TSPYL2: variants seen among roughly 807,000 people sequenced by gnomAD.
TSPYL2 encodes the protein TSPY like 2, also known as testis-specific Y-encoded-like protein 2.
In TSPYL2, 9 loss-of-function variants were observed where a neutral mutation model predicts 33.0. The ratio of observed to expected loss-of-function variants is 0.27; its 90% CI spans 0.16 to 0.48. The LOEUF is 0.48. TSPYL2 is among the 20% of genes least tolerant of loss of function. The pLI, the probability that TSPYL2 is intolerant of heterozygous loss-of-function variation, is 0.99. For synonymous variants in TSPYL2, 330 were observed against 233.6 expected, an observed-to-expected ratio of 1.41 and a Z score of -3.77; for missense variants, 636 against 586.2, an observed-to-expected ratio of 1.08 and a Z score of -0.88.
In TSPYL2 at chrX:53,087,877, G is replaced by C; in HGVS notation, c.2020G>C (p.Glu674Gln). ...EGEDSDDSDL[E>Q]DVLQVPNGWA... ...GGAAGATTCGGACGACTCTGACCTA[G>C]AGGATGTGCTTCAGGTCCCAAACGG... Residue 674 changes from glutamate (E) to glutamine (Q), a missense_variant, in exon 7 of 7, where the codon GAG (glutamate) becomes CAG (glutamine). By Grantham distance (29) the Glu-to-Gln change is conservative. Transcript: ENST00000375442. 1 of 1,211,737 alleles carries C rather than the reference G, an allele frequency of 8.3e-7. No individual in the cohort carries two copies. The highest frequency in any genetic ancestry group is 1.8e-5 in the South Asian group (1 of 57,022).
At chrX:53,087,022 A>G (rs1932777979) in intron 6 of TSPYL2, 1 of 114,901 alleles carries the variant, frequency 8.7e-6, no homozygotes, top group African/African-American at 3.3e-5. Flanking sequence ...TGCATATAGT[A>G]ATACCCTCTT....
At chrX:53,085,508 C>A in intron 5 of TSPYL2, 123 bp from the exon 6 acceptor site, 2 of 815,034 alleles carry the variant, frequency 2.5e-6, no homozygotes, top group South Asian at 2.6e-5. Context: ...GGACTTTACC[C>A]ACCCTAGCCC....
Position 53,084,744 on chromosome X carries a change from A to G in TSPYL2, c.886-11A>G. 8.3e-7 allele frequency: 1 copy of G among 1,203,143 alleles called. No individual in the cohort carries two copies. Among genetic ancestry groups the G allele is most frequent in the Non-Finnish European group, 1.1e-6 (1 of 888,659 alleles). ...GGGGACAGATTCCACCATCACCCCC[A>G]CCTGGAGCAGGTACAGGATCTCAGA... On this transcript the variant is annotated splice_polypyrimidine_tract_variant and intron_variant, in intron 2 of 6. Coordinates refer to ENST00000375442, the MANE Select transcript of TSPYL2 (RefSeq NM_022117.4).
chrX:53,083,371 G>A (rs1932675359), intron 1 of TSPYL2, 66 bp downstream of exon 1: 4 of 1,000,491 alleles, frequency 4.0e-6, no homozygotes, highest in African/African-American at 1.9e-5. Context: ...GTGGGGGAGG[G>A]ACAGAAAAGG....
In TSPYL2 at chrX:53,088,159, C is replaced by T. The variant is rs190372740; in HGVS notation, c.*220C>T. On this transcript the variant is annotated 3_prime_UTR_variant, in exon 7 of 7. Coordinates refer to ENST00000375442, the MANE Select transcript of TSPYL2 (RefSeq NM_022117.4). ...TCCCCTTCTTTTGGCCCTCCGCCCC[C>T]GCAGGCTTCTGTGTGCTGCTAACTG... 3 of 413,631 alleles carry T rather than the reference C, an allele frequency of 7.3e-6. No individual in the cohort carries two copies. The highest frequency in any genetic ancestry group is 8.3e-5 in the Admixed American group (2 of 24,218). The allele number at this position is 413,631 out of a possible 1,213,427, so 34.1% of individuals were successfully genotyped here.
chrX:53,088,182 C>G lies in TSPYL2; in HGVS notation c.*243C>G, dbSNP rs1182817334. ...CCCGCAGGCTTCTGTGTGCTGCTAA[C>G]TGTATTTATTGTGATGCCTTGGTCA... On this transcript the variant is annotated 3_prime_UTR_variant, in exon 7 of 7. Coordinates refer to ENST00000375442, the MANE Select transcript of TSPYL2 (RefSeq NM_022117.4). 5.1e-6 allele frequency: 2 copies of G among 391,892 alleles called. No homozygotes were observed. The highest frequency in any genetic ancestry group is 8.9e-6 in the Non-Finnish European group (2 of 224,583). 32.3% of individuals were successfully genotyped at this position (391,892 alleles called of 1,213,427 possible).
At chrX:53,087,420 C>A in intron 6 of TSPYL2, 1 of 154,714 alleles carries the variant, frequency 6.5e-6, no homozygotes, top group Non-Finnish European at 1.3e-5. Flanking sequence ...GGGGAGAAAG[C>A]GAGGAAGCTG....
At chrX:53,084,697 A>C in intron 2 of TSPYL2, 58 bp from the exon 3 acceptor site, 1 of 1,184,473 alleles carries the variant, frequency 8.4e-7, no homozygotes, top group East Asian at 3.0e-5. Context: ...GGTGGGTGGG[A>C]AGGGCCGTGG....
At position 53,082,536 on chromosome X, in the gene TSPYL2, G is replaced by C; in HGVS notation, c.38G>C (p.Arg13Pro). The C allele has an allele frequency of 8.6e-7, 1 of 1,157,156 alleles. No individual in the cohort carries two copies. Among genetic ancestry groups the C allele is most frequent in the East Asian group, 3.3e-5 (1 of 30,646 alleles). Residue 13 changes from arginine to proline, a missense_variant, in exon 1 of 7, where the codon CGC becomes CCC. This residue lies in a region of TSPYL2 where 231 missense variants were observed against 201.6 expected (regional missense o/e 1.15). Transcript: ENST00000375442. Reference sequence around the variant, plus strand: ...GATGAGGGGCCTCCGGCCAAGACCCGCCGCCTGAGCAGCTCCGAGTCTCCA... The same window carrying C: ...GATGAGGGGCCTCCGGCCAAGACCCCCCGCCTGAGCAGCTCCGAGTCTCCA... Reference protein sequence around the residue: ...RPDEGPPAKTRRLSSSESPQR... With the variant: ...RPDEGPPAKTPRLSSSESPQR...
chrX:53,085,582 G>GT, intron 5 of TSPYL2, 49 bp from the exon 6 acceptor site: 9 of 1,164,403 alleles, frequency 7.7e-6, no homozygotes, highest in Non-Finnish European at 1.1e-5. Context: ...AGTGCTATGA[G>GT]TACACCACCT....
At chrX:53,087,518 T>C (rs963537696) in intron 6 of TSPYL2, 2 of 382,151 alleles carry the variant, frequency 5.2e-6, no homozygotes, top group Non-Finnish European at 9.2e-6. Flanking sequence ...AAAGCTACTA[T>C]CAGAGATGTA....
intron 1 of TSPYL2, 51 bp from the exon 2 acceptor site, chrX:53,084,494 C>T (rs782551066): frequency 9.4e-7 from 1 of 1,059,377 alleles, no homozygotes; most frequent in Non-Finnish European, 1.3e-6. Context: ...CCTTCCCTCC[C>T]TCCCTTTCAC....
chrX:53,084,507 A>C (rs1245615508), intron 1 of TSPYL2, 38 bp from the exon 2 acceptor site: 2 of 1,101,068 alleles, frequency 1.8e-6, no homozygotes, highest in Non-Finnish European at 2.4e-6. Flanking sequence ...CCTTTCACGG[A>C]ATAGTCAATC....
In TSPYL2 at chrX:53,085,207, C is replaced by T. The variant is rs188731133; in HGVS notation, c.1144-20C>T. ...GCTTGTACTAATGGCTGTCTTATTC[C>T]TTCTCCCCTTTTTCAACAGATTATC... On this transcript the variant is annotated intron_variant, in intron 4 of 6. Coordinates refer to ENST00000375442, the MANE Select transcript of TSPYL2 (RefSeq NM_022117.4). 4.7e-5 allele frequency: 56 copies of T among 1,192,059 alleles called. No individual in the cohort carries two copies. The highest frequency in any genetic ancestry group is 6.0e-5 in the Non-Finnish European group (53 of 884,905).
chrX:53,085,537 T>C lies in TSPYL2; in HGVS notation c.1239-94T>C, dbSNP rs376489180. On this transcript the variant is annotated intron_variant, in intron 5 of 6. Coordinates refer to ENST00000375442, the MANE Select transcript of TSPYL2 (RefSeq NM_022117.4). ...CTAGCCCCATTCCTGGGATCCCTTA[T>C]AGCCTACTGCTTCCCCAGTTACTTC... The C allele has an allele frequency of 2.4e-5, 23 of 955,814 alleles. No homozygotes were observed. The East Asian group carries it at 4.5e-4, about 19-fold the overall frequency. The allele number at this position is 955,814 out of a possible 1,213,427, so 78.8% of individuals were successfully genotyped here.
In TSPYL2 at chrX:53,087,963, C is replaced by T. The variant is rs1556809233; in HGVS notation, c.*24C>T. On this transcript the variant is annotated 3_prime_UTR_variant, in exon 7 of 7. Coordinates refer to ENST00000375442, the MANE Select transcript of TSPYL2 (RefSeq NM_022117.4). ...AAGGGTTTTCCCCTTTTGGGGATCA[C>T]CTCTCTGTATCCCCCACCCACTATC... 5 of 1,200,407 alleles carry T rather than the reference C, an allele frequency of 4.2e-6. No individual in the cohort carries two copies. The highest frequency in any genetic ancestry group is 2.2e-5 in the Admixed American group (1 of 45,889).
Position 53,084,940 on chromosome X carries a change from T to G in TSPYL2, c.998-14T>G, listed in dbSNP as rs782310264. 2.9e-5 allele frequency: 35 copies of G among 1,209,196 alleles called. No individual in the cohort carries two copies. The highest frequency in any genetic ancestry group is 3.7e-5 in the Non-Finnish European group (33 of 893,822). On this transcript the variant is annotated splice_polypyrimidine_tract_variant and intron_variant, in intron 3 of 6. Transcript: ENST00000375442. ...CTTGTTTTGTCCCATCTCCATAGCC[T>G]TCTCTCTCCCTAGGCCGGCTGGTGT...
Position 53,082,807 on chromosome X carries a change from G to A in TSPYL2, c.309G>A (p.Ser103=), listed in dbSNP as rs782626014. Residue 103 remains serine (S), a synonymous_variant, in exon 1 of 7, where the codon TCG becomes TCA. Transcript: ENST00000375442. ...ECPGWDSTIE[S]GYGEAPPPTE... is the part of the protein sequence containing the mutation. ...CCGGCTGGGATTCTACCATCGAGTC[G>A]GGGTATGGGGAGGCGCCCCCGCCCA... The A allele has an allele frequency of 3.3e-6, 4 of 1,198,896 alleles. No homozygotes were observed. The highest frequency in any genetic ancestry group is 2.2e-6 in the Non-Finnish European group (2 of 890,188).
intron 6 of TSPYL2, 51 bp downstream of exon 6, chrX:53,086,361 C>T (rs782156487): frequency 2.7e-6 from 3 of 1,112,479 alleles, no homozygotes; most frequent in Non-Finnish European, 3.7e-6. Context: ...TTTCTCAGAG[C>T]AAGCCTGGCC....
Sources: gnomAD v4.1 joint callset for allele counts on GRCh38, gnomAD v4.1.1 for gene constraint, gnomAD v4.1.1 regional missense constraint, MANE v1.5 for transcripts, NCBI Gene and HGNC (gene_info 2026-07-23, HGNC 2026-07-21) for gene names.